The following ATG10 variants were observed in gnomAD, a reference collection of about 807,000 sequenced individuals.
ATG10 encodes ubiquitin-like-conjugating enzyme ATG10.
A neutral mutation model predicts 32.1 loss-of-function variants in ATG10; 30 were observed. That is an observed-to-expected ratio of 0.94 (90% CI 0.70 to 1.27). The LOEUF is 1.27. Among genes scored for constraint, ATG10 ranks in the 50% most tolerant of loss-of-function variants. The pLI, the probability that ATG10 is intolerant of heterozygous loss-of-function variation, is 0.00. For missense variants in ATG10, 233 were observed against 262.3 expected (o/e 0.89, Z 0.77); for synonymous variants, 87 against 91.5 (o/e 0.95, Z 0.28).
intron 3 of ATG10, among the ~76,000 whole-genome samples, chr5:82,125,700 G>C (rs1379173286): frequency 6.6e-6 from 1 of 152,040 alleles, no homozygotes. Flanking sequence ...TTTGAAGTCA[G>C]GTAGTGTGAT....
At chr5:82,015,778 T>A (rs987583600) in intron 2 of ATG10, among the ~76,000 whole-genome samples, 1 of 152,216 alleles carries the variant, frequency 6.6e-6, no homozygotes, top group African/African-American at 2.4e-5. Context: ...TCGAACTTCC[T>A]CCTTTAGCTC....
At chr5:82,184,845 C>A (rs1003374612) in intron 5 of ATG10, among the ~76,000 whole-genome samples, 2 of 152,116 alleles carry the variant, frequency 1.3e-5, no homozygotes, top group Admixed American at 1.3e-4. Context: ...AATAAGTCAG[C>A]CCTACTACAC....
At chr5:82,141,411 A>T (rs1767130580) in intron 3 of ATG10, among the ~76,000 whole-genome samples, 1 of 152,146 alleles carries the variant, frequency 6.6e-6, no homozygotes, top group African/African-American at 2.4e-5. Flanking sequence ...TTTATCTTTG[A>T]TGTGTCCTTT....
At chr5:82,070,832 GT>G (rs1424157949) in intron 3 of ATG10, among the ~76,000 whole-genome samples, 1 of 151,926 alleles carries the variant, frequency 6.6e-6, no homozygotes, top group Non-Finnish European at 1.5e-5. Context: ...TTCGTTATTT[GT>G]TCCAACTTCA....
At position 82,037,129 on chromosome 5, in the gene ATG10, CAAAAAAAAA is replaced by C. The variant is rs1159037400; in HGVS notation, c.109-21348_109-21340del. 5.6e-3 allele frequency among the ~76,000 whole-genome samples: 145 copies of C among 25,802 alleles called. 4 individuals are homozygous for C. The highest frequency in any genetic ancestry group is 6.7e-3 in the Admixed American group (15 of 2,228). 16.9% of individuals were successfully genotyped at this position (25,802 alleles called of 152,430 possible). ...CTGGCAACAGAATGAGACTCTGTCT[CAAAAAAAAA>C]AAAAAAAAAAAAAAAAATTCAGTTG... On this transcript the variant is annotated intron_variant, in intron 2 of 7. Coordinates refer to ENST00000282185, the MANE Select transcript of ATG10 (RefSeq NM_031482.5).
chr5:82,028,063 G>A (rs1366495691), intron 2 of ATG10, among the ~76,000 whole-genome samples: 2 of 152,202 alleles, frequency 1.3e-5, no homozygotes, highest in Non-Finnish European at 2.9e-5. Context: ...AAGCCAAACT[G>A]TCTCAAACAA....
chr5:82,009,856 C>G lies in ATG10; in HGVS notation c.108+22178C>G. 1.9e-6 allele frequency: 3 copies of G among 1,609,056 alleles called. No homozygotes were observed. In the South Asian group the frequency reaches 3.3e-5, roughly 18 times the overall value. The stretch of plus-strand genomic sequence containing the variant: ...AAGTTCTCATCTTCAAATTTCTCCC[C>G]ATAGATGGACTTGCCACTAGTGCCA... On this transcript the variant is annotated intron_variant, in intron 2 of 7. Coordinates refer to ENST00000282185, the MANE Select transcript of ATG10 (RefSeq NM_031482.5).
intron 2 of ATG10, among the ~76,000 whole-genome samples, chr5:82,023,544 AATT>A (rs1240718014): frequency 6.6e-6 from 1 of 152,222 alleles, no homozygotes; most frequent in African/African-American, 2.4e-5. Flanking sequence ...AAATGAGTAA[AATT>A]ATTCTTAAAT....
intron 2 of ATG10, among the ~76,000 whole-genome samples, chr5:82,015,303 T>G (rs1762253161): frequency 1.3e-5 from 2 of 152,212 alleles, no homozygotes; most frequent in African/African-American, 4.8e-5. Context: ...CAATGATGTG[T>G]TGTGGAGTTG....
chr5:82,104,032 CT>C (rs1427614464), intron 3 of ATG10, among the ~76,000 whole-genome samples: 2 of 152,106 alleles, frequency 1.3e-5, no homozygotes, highest in African/African-American at 4.8e-5. Flanking sequence ...GCTCATTCTG[CT>C]TGTTGTATCT....
chr5:81,988,998 A>T (rs973947816), intron 2 of ATG10, among the ~76,000 whole-genome samples: 13 of 151,624 alleles, frequency 8.6e-5, no homozygotes, highest in African/African-American at 3.1e-4. Context: ...TGCCTGGCTA[A>T]TTTTTGTATT....
intron 3 of ATG10, among the ~76,000 whole-genome samples, chr5:82,136,562 C>G (rs1766759245): frequency 6.6e-6 from 1 of 152,210 alleles, no homozygotes; most frequent in African/African-American, 2.4e-5. Flanking sequence ...TCCCTACTCT[C>G]TTCTGGCTTG....
chr5:81,993,364 T>TTTCTTTCTTTCTTTC (rs374179266), intron 2 of ATG10, among the ~76,000 whole-genome samples: 5 of 34,136 alleles, frequency 1.5e-4, no homozygotes, highest in African/African-American at 4.7e-4. Flanking sequence ...TCTTTCCTTC[T>TTTCTTTCTTTCTTTC]TTTCTTTTCT....
At chr5:82,080,793 G>A (rs1468242310) in intron 3 of ATG10, among the ~76,000 whole-genome samples, 1 of 152,202 alleles carries the variant, frequency 6.6e-6, no homozygotes, top group Non-Finnish European at 1.5e-5. Context: ...AAGTCAGGTA[G>A]CATGATGCCT....
chr5:82,065,356 G>T (rs1763909865), intron 3 of ATG10, among the ~76,000 whole-genome samples: 1 of 152,002 alleles, frequency 6.6e-6, no homozygotes, highest in African/African-American at 2.4e-5. Flanking sequence ...GGGCGTGGTG[G>T]CAGGTGCCTG....
intron 3 of ATG10, among the ~76,000 whole-genome samples, chr5:82,092,482 T>C (rs1282092448): frequency 6.6e-6 from 1 of 152,200 alleles, no homozygotes; most frequent in Non-Finnish European, 1.5e-5. Flanking sequence ...CTCAAGAGTC[T>C]GTAGACTGGT....
chr5:82,088,064 G>T (rs1158120163), intron 3 of ATG10, among the ~76,000 whole-genome samples: 1 of 152,102 alleles, frequency 6.6e-6, no homozygotes, highest in Non-Finnish European at 1.5e-5. Context: ...CATTTCAGTG[G>T]TGTTGCCCTG....
chr5:82,241,693 C>A (rs567584976), intron 5 of ATG10, among the ~76,000 whole-genome samples: 9 of 152,228 alleles, frequency 5.9e-5, no homozygotes, highest in African/African-American at 7.2e-5. Flanking sequence ...GGTCAGGGGT[C>A]TGCTCAACTG....
At chr5:82,037,773 A>G (rs915877350) in intron 2 of ATG10, among the ~76,000 whole-genome samples, 1 of 152,152 alleles carries the variant, frequency 6.6e-6, no homozygotes, top group African/African-American at 2.4e-5. Context: ...TATCAGTGTA[A>G]TTATATGGAC....
Sources: gnomAD v4.1 joint callset for allele counts (sites outside exome capture counted in the v4.1 genomes callset) on GRCh38, gnomAD v4.1.1 for gene constraint, MANE v1.5 for transcripts, NCBI Gene and HGNC (gene_info 2026-07-23, HGNC 2026-07-21) for gene names.